The following EEFSEC variants were observed in gnomAD, a reference collection of about 807,000 sequenced individuals.
The protein encoded by EEFSEC is eukaryotic elongation factor, selenocysteine-tRNA specific, also known as selenocysteine-specific elongation factor.
A neutral mutation model predicts 42.1 loss-of-function variants in EEFSEC; 43 were observed. The observed-to-expected ratio is 1.02, with a 90% CI of 0.80 to 1.32. The LOEUF is 1.32. EEFSEC is among the 40% of genes most tolerant of loss of function. The probability of loss-of-function intolerance (pLI) is 0.00; values close to 1 mark genes in which losing one functional copy is unlikely to be tolerated. For missense variants in EEFSEC, 745 were observed against 803.6 expected (o/e 0.93, Z 0.88); for synonymous variants, 354 against 339.1 (o/e 1.04, Z -0.48).
chr3:128,423,038 C>T, the EEFSEC span, among the ~76,000 whole-genome samples: 1 of 152,256 alleles, frequency 6.6e-6, no homozygotes, highest in African/African-American at 2.4e-5. Flanking sequence ...GTGAGACCTG[C>T]AGGAAGGGTC....
intron 1 of EEFSEC, among the ~76,000 whole-genome samples, chr3:128,206,063 G>T (rs972997647): frequency 1.3e-5 from 2 of 152,100 alleles, no homozygotes; most frequent in Admixed American, 6.5e-5. Context: ...TAAGATGTAG[G>T]GGATAAATGC....
intron 6 of EEFSEC, 127 bp downstream of exon 6, chr3:128,358,500 A>T: frequency 1.5e-6 from 2 of 1,363,696 alleles, no homozygotes; most frequent in Non-Finnish European, 2.0e-6. Flanking sequence ...ACACGGGGTG[A>T]CTTGGCCTGC....
At chr3:128,293,551 C>G (rs1157597172) in intron 4 of EEFSEC, among the ~76,000 whole-genome samples, 1 of 151,270 alleles carries the variant, frequency 6.6e-6, no homozygotes, top group Non-Finnish European at 1.5e-5. Context: ...GTCCCAGCTA[C>G]TCGGGAGGCT....
intron 4 of EEFSEC, among the ~76,000 whole-genome samples, chr3:128,272,794 T>G (rs772745311): frequency 1.3e-5 from 2 of 152,136 alleles, no homozygotes; most frequent in Non-Finnish European, 2.9e-5. Context: ...CCCCTGGAGC[T>G]GGAAGGGACA....
At chr3:128,206,190 C>T (rs770967020) in intron 1 of EEFSEC, among the ~76,000 whole-genome samples, 4 of 152,104 alleles carry the variant, frequency 2.6e-5, no homozygotes, top group Non-Finnish European at 5.9e-5. Flanking sequence ...TCTGGAACAC[C>T]TTTCTGGGAA....
rs138504985 is a variant in EEFSEC at position 128,156,950 on chromosome 3, A to G, written c.316+3127A>G. On this transcript the variant is annotated intron_variant, in intron 1 of 6. Coordinates refer to ENST00000254730, the MANE Select transcript of EEFSEC (RefSeq NM_021937.5). The stretch of plus-strand genomic sequence containing the variant: ...ATGATTAAGCTTAGTGATGAAGGCA[A>G]TGTTGAAGACTGAGATAGGCTGAAA... Among the ~76,000 whole-genome samples, 734 of 152,382 alleles carry G rather than the reference A, an allele frequency of 4.8e-3. 5 individuals carry two copies. Among genetic ancestry groups the G allele is most frequent in the African/African-American group, 0.016 (674 of 41,590 alleles).
At chr3:128,387,162 C>G (rs1305555146) in intron 6 of EEFSEC, among the ~76,000 whole-genome samples, 1 of 152,198 alleles carries the variant, frequency 6.6e-6, no homozygotes, top group Non-Finnish European at 1.5e-5. Context: ...CTGCACCTGG[C>G]CGCAGGGGCT....
chr3:128,396,205 G>A (rs905710537), intron 6 of EEFSEC, among the ~76,000 whole-genome samples: 2 of 152,180 alleles, frequency 1.3e-5, no homozygotes, highest in Non-Finnish European at 2.9e-5. Context: ...ACCAGGCCTG[G>A]CTTACCAACA....
At chr3:128,165,522 G>C (rs1277126024) in intron 1 of EEFSEC, among the ~76,000 whole-genome samples, 3 of 152,184 alleles carry the variant, frequency 2.0e-5, no homozygotes, top group Non-Finnish European at 4.4e-5. Flanking sequence ...TAATGTGGGT[G>C]ATCCTCTCTT....
At chr3:128,380,639 T>C (rs1036808805) in intron 6 of EEFSEC, among the ~76,000 whole-genome samples, 4 of 152,252 alleles carry the variant, frequency 2.6e-5, no homozygotes, top group African/African-American at 4.8e-5. Context: ...CCAGGTGTTA[T>C]TAGAACACTG....
At chr3:128,342,466 G>A (rs2067266893) in intron 5 of EEFSEC, among the ~76,000 whole-genome samples, 1 of 152,250 alleles carries the variant, frequency 6.6e-6, no homozygotes, top group Non-Finnish European at 1.5e-5. Flanking sequence ...AGGGGAAGGG[G>A]CTAAGGGTGC....
intron 6 of EEFSEC, among the ~76,000 whole-genome samples, chr3:128,406,052 A>G (rs2068106036): frequency 6.6e-6 from 1 of 152,160 alleles, no homozygotes; most frequent in African/African-American, 2.4e-5. Context: ...TGCTCCCACC[A>G]GGACCCCCCA....
intron 4 of EEFSEC, among the ~76,000 whole-genome samples, chr3:128,271,747 C>T (rs1256316553): frequency 6.6e-6 from 1 of 152,164 alleles, no homozygotes; most frequent in African/African-American, 2.4e-5. Context: ...AGGGCCGCTT[C>T]TGTGGCATGC....
intron 1 of EEFSEC, among the ~76,000 whole-genome samples, chr3:128,200,460 G>A (rs1268784374): frequency 1.3e-5 from 2 of 152,018 alleles, no homozygotes; most frequent in Non-Finnish European, 2.9e-5. Flanking sequence ...GGCTAATTTC[G>A]TATTTTTAGT....
At chr3:128,409,575 G>A (rs1018237329), downstream of EEFSEC, among the ~76,000 whole-genome samples, 12 of 152,218 alleles carry the variant, frequency 7.9e-5, no homozygotes, top group African/African-American at 2.4e-4. Flanking sequence ...TGGGGAAGTG[G>A]GGTTCCCAGT....
chr3:128,290,568 A>C (rs972463494), intron 4 of EEFSEC, among the ~76,000 whole-genome samples: 8 of 148,570 alleles, frequency 5.4e-5, no homozygotes, highest in Non-Finnish European at 7.4e-5. Flanking sequence ...TTCCAAGTCA[A>C]CTTTTTTTTT....
At chr3:128,232,126 G>T (rs891852098) in intron 1 of EEFSEC, among the ~76,000 whole-genome samples, 1 of 152,060 alleles carries the variant, frequency 6.6e-6, no homozygotes, top group African/African-American at 2.4e-5. Flanking sequence ...CTCCCAAGCT[G>T]TTATAGTATA....
At chr3:128,401,566 C>T (rs2068048240) in intron 6 of EEFSEC, among the ~76,000 whole-genome samples, 1 of 152,184 alleles carries the variant, frequency 6.6e-6, no homozygotes, top group Non-Finnish European at 1.5e-5. Flanking sequence ...GGGAACCACA[C>T]ATTCCAAGGC....
chr3:128,292,326 G>T (rs2066652559), intron 4 of EEFSEC, among the ~76,000 whole-genome samples: 1 of 151,636 alleles, frequency 6.6e-6, no homozygotes, highest in Admixed American at 6.6e-5. Flanking sequence ...CATTATTCTG[G>T]CCTCATAAAA....
Sources: allele counts gnomAD v4.1 joint callset (sites outside exome capture counted in the v4.1 genomes callset), GRCh38; gene constraint gnomAD v4.1.1; transcripts MANE v1.5; gene names NCBI Gene and HGNC (gene_info 2026-07-23, HGNC 2026-07-21).